The following FHAD1 variants were observed in gnomAD, a reference collection of about 807,000 sequenced individuals.
The protein encoded by FHAD1 is forkhead associated phosphopeptide binding domain 1, also known as forkhead-associated domain-containing protein 1.
In FHAD1, 146 loss-of-function variants were observed where a neutral mutation model predicts 191.3. The ratio of observed to expected loss-of-function variants is 0.76; its 90% CI spans 0.67 to 0.88. The LOEUF (loss-of-function observed/expected upper bound fraction) is 0.88, where lower values mean the gene tolerates loss of function less well. Ranked by LOEUF, FHAD1 falls within the 40% of genes least tolerant of loss-of-function variation. The probability of loss-of-function intolerance (pLI) is 0.00; values close to 1 mark genes in which losing one functional copy is unlikely to be tolerated. For synonymous variants in FHAD1, 616 were observed against 672.3 expected (o/e 0.92, Z 1.29); for missense variants, 1,635 against 1,785.8 (o/e 0.92, Z 1.52).
chr1:15,353,704 C>CAAAAAAAAAAAAAAAAAGAAAAAAAA (rs1691663740), intron 20 of FHAD1, among the ~76,000 whole-genome samples: 1 of 60,976 alleles, frequency 1.6e-5, no homozygotes, highest in African/African-American at 6.6e-5. Flanking sequence ...GACTCCATCT[C>CAAAAAAAAAAAAAAAAAGAAAAAAAA]AAAAAAAAAA....
intron 33 of FHAD1, among the ~76,000 whole-genome samples, chr1:15,396,694 C>G (rs879765041): frequency 1.4e-4 from 21 of 151,824 alleles, no homozygotes; most frequent in Non-Finnish European, 2.2e-4. Flanking sequence ...CCTGTAGTCC[C>G]AGCTGCTTGG....
intron 6 of FHAD1, among the ~76,000 whole-genome samples, chr1:15,306,570 G>A (rs147462045): frequency 0.038 from 5,777 of 152,264 alleles, 145 homozygotes; most frequent in Non-Finnish European, 0.051. Flanking sequence ...GGCCAGGCCC[G>A]GGGTCCCCAT....
rs1036970438 is a variant in FHAD1, at chr1:15,365,995, G to A, written c.3154+62G>A. ...CCACTCGAGAAAGGAAGGAGATGAG[G>A]CTAAAGAGTCGGCCGGGCGCAGTGG... On this transcript the variant is annotated intron_variant, in intron 24 of 33. Transcript: ENST00000688493. 2.5e-6 allele frequency: 3 copies of A among 1,222,048 alleles called. No individual in the cohort carries two copies. In the African/African-American group the frequency reaches 4.5e-5, roughly 18 times the overall value. The allele number at this position is 1,222,048 out of a possible 1,614,324, so 75.7% of individuals were successfully genotyped here. A position where few individuals can be genotyped will look rare whatever the true frequency, so the allele number is the denominator to read the frequency against.
At position 15,328,437 on chromosome 1, in the gene FHAD1, C is replaced by T. The variant is rs1679776569; in HGVS notation, c.1710+8C>T. On this transcript the variant is annotated splice_region_variant and intron_variant, in intron 13 of 33. Coordinates refer to ENST00000688493, the MANE Select transcript of FHAD1 (RefSeq NM_001391957.1). ...TCGCTGGACAGCTGCCAGGTGGCCC[C>T]TCCTTACGCTTTCCACAAATGGTCT... 6.8e-7 allele frequency: 1 copy of T among 1,464,076 alleles called. No individual in the cohort carries two copies. The highest frequency in any genetic ancestry group is 9.0e-7 in the Non-Finnish European group (1 of 1,106,590). The allele number at this position is 1,464,076 out of a possible 1,614,324, so 90.7% of individuals were successfully genotyped here. A position where few individuals can be genotyped will look rare whatever the true frequency, so the allele number is the denominator to read the frequency against.
chr1:15,360,352 A>G (rs1694386740), intron 21 of FHAD1, 126 bp from the exon 22 acceptor site: 2 of 721,054 alleles, frequency 2.8e-6, no homozygotes, highest in Non-Finnish European at 4.6e-6. Flanking sequence ...GGGCAGAGGG[A>G]ACTGCATGTG....
chr1:15,392,032 C>T (rs1467289334), intron 33 of FHAD1, among the ~76,000 whole-genome samples: 1 of 152,192 alleles, frequency 6.6e-6, no homozygotes, highest in African/African-American at 2.4e-5. Flanking sequence ...GGGATGGGCC[C>T]TGGATGTAGG....
chr1:15,259,092 G>T (rs556209346), intron 2 of FHAD1, among the ~76,000 whole-genome samples: 1 of 152,374 alleles, frequency 6.6e-6, no homozygotes, highest in East Asian at 1.9e-4. Flanking sequence ...TTTTCTGGGG[G>T]TGGTGGTTGT....
chr1:15,372,797 G>A (rs1003396843), intron 26 of FHAD1, among the ~76,000 whole-genome samples: 1 of 152,170 alleles, frequency 6.6e-6, no homozygotes, highest in Non-Finnish European at 1.5e-5. Context: ...TTTGACTGAA[G>A]CCTTCCCTGG....
chr1:15,378,595 T>C (rs904781950), intron 28 of FHAD1, among the ~76,000 whole-genome samples: 1 of 152,208 alleles, frequency 6.6e-6, no homozygotes, highest in Non-Finnish European at 1.5e-5. Flanking sequence ...TAGGTTCTTT[T>C]TGTAGCAAAA....
At chr1:15,303,324 A>G (rs1669409951) in intron 6 of FHAD1, among the ~76,000 whole-genome samples, 1 of 152,224 alleles carries the variant, frequency 6.6e-6, no homozygotes, top group African/African-American at 2.4e-5. Flanking sequence ...TAACTCCTTG[A>G]GGAGCCTCTT....
chr1:15,329,714 A>C lies in FHAD1; in HGVS notation c.1906+173A>C, dbSNP rs756500249. 11 of 566,412 alleles carry C rather than the reference A, an allele frequency of 1.9e-5. No homozygotes were observed. The highest frequency in any genetic ancestry group is 7.8e-5 in the South Asian group (3 of 38,284). 35.1% of individuals were successfully genotyped at this position (566,412 alleles called of 1,614,324 possible). Reference sequence around the variant, plus strand: ...GGCGTAATTTTCCATTAAAAAAAAAAACACACACATACAAGTGAGACACGA... The same window carrying C: ...GGCGTAATTTTCCATTAAAAAAAAACACACACACATACAAGTGAGACACGA... On this transcript the variant is annotated intron_variant, in intron 14 of 33. Transcript: ENST00000688493. This position sits in a 1 kb window ranked among gnomAD's most constrained non-coding sequence, Gnocchi z 5.0.
intron 23 of FHAD1, chr1:15,363,756 G>A (rs913128745): frequency 1.3e-5 from 6 of 456,320 alleles, no homozygotes; most frequent in African/African-American, 1.0e-4. Flanking sequence ...CTACAAAGAA[G>A]TCTATCCTCA....
At chr1:15,350,682 G>A (rs1690550935) in intron 19 of FHAD1, among the ~76,000 whole-genome samples, 1 of 152,238 alleles carries the variant, frequency 6.6e-6, no homozygotes, top group Non-Finnish European at 1.5e-5. Flanking sequence ...CATCTGCCAT[G>A]TGGGTGTGGT....
At chr1:15,389,711 C>G (rs1055842628) in intron 32 of FHAD1, among the ~76,000 whole-genome samples, 5 of 152,088 alleles carry the variant, frequency 3.3e-5, no homozygotes, top group Non-Finnish European at 7.3e-5. Context: ...TAAAAGACAG[C>G]CTGACTCACT....
At chr1:15,264,627 G>T (rs1652659705) in intron 2 of FHAD1, among the ~76,000 whole-genome samples, 1 of 151,314 alleles carries the variant, frequency 6.6e-6, no homozygotes, top group South Asian at 2.1e-4. Flanking sequence ...AACAATACAG[G>T]TAATTTTATT....
intron 2 of FHAD1, among the ~76,000 whole-genome samples, chr1:15,269,871 A>G (rs1017170022): frequency 3.5e-5 from 5 of 143,960 alleles, no homozygotes; most frequent in Non-Finnish European, 1.5e-5. Context: ...AAGCATTGTT[A>G]TGTCTTCTTG....
intron 5 of FHAD1, among the ~76,000 whole-genome samples, chr1:15,297,461 A>C (rs1159657005): frequency 6.6e-6 from 1 of 152,234 alleles, no homozygotes; most frequent in Non-Finnish European, 1.5e-5. Context: ...CCTTGCAGCC[A>C]TTCTCAGAGT....
At chr1:15,338,655 C>T (rs891203876) in intron 14 of FHAD1, among the ~76,000 whole-genome samples, 12 of 152,140 alleles carry the variant, frequency 7.9e-5, no homozygotes, top group African/African-American at 2.2e-4. Context: ...CGCCCTCCCC[C>T]GGCTCTCTGA....
chr1:15,305,191 G>A (rs1670075720), intron 6 of FHAD1, among the ~76,000 whole-genome samples: 1 of 152,208 alleles, frequency 6.6e-6, no homozygotes, highest in Non-Finnish European at 1.5e-5. Flanking sequence ...TATGTGGGGA[G>A]CCAGGCATGG....
Sources: allele counts gnomAD v4.1 joint callset (sites outside exome capture counted in the v4.1 genomes callset), GRCh38; gene constraint gnomAD v4.1.1; non-coding constraint Gnocchi (gnomAD v3.1); transcripts MANE v1.5; gene names NCBI Gene and HGNC (gene_info 2026-07-23, HGNC 2026-07-21).